The following MDGA1 variants were observed in gnomAD, a reference collection of about 807,000 sequenced individuals.
The protein encoded by MDGA1 is MAM domain-containing glycosylphosphatidylinositol anchor protein 1.
Under a neutral mutation model 101.5 loss-of-function variants are expected in MDGA1, and 54 were observed. That is an observed-to-expected ratio of 0.53 (90% CI 0.43 to 0.67). MDGA1 has a LOEUF of 0.67. Ranked by LOEUF, MDGA1 falls within the 30% of genes least tolerant of loss-of-function variation. The probability of loss-of-function intolerance (pLI) is 0.00; values close to 1 mark genes in which losing one functional copy is unlikely to be tolerated. For missense variants in MDGA1, 1,083 were observed against 1,323.8 expected (o/e 0.82, Z 2.82); for synonymous variants, 533 against 558.3 (o/e 0.95, Z 0.64).
In MDGA1 at chr6:37,650,165, C is replaced by G; in HGVS notation, c.1553G>C (p.Arg518Pro). The G allele has an allele frequency of 6.2e-7, 1 of 1,611,442 alleles. No homozygotes were observed. The highest frequency in any genetic ancestry group is 8.5e-7 in the Non-Finnish European group (1 of 1,178,070). ...GGGGCGCACGTTGAAGCCATTATAG[C>G]GGGCCGTCTGGCAGCGGTAGGTCCC... Reference protein sequence around the residue: ...MSGTYRCQTARYNGFNVRPRE... With the variant: ...MSGTYRCQTAPYNGFNVRPRE... The change falls in exon 8 of 17, where the codon CGC (arginine) becomes CCC (proline). Residue 518 changes from arginine (R) to proline (P), a missense_variant. Physicochemically the swap from Arg to Pro is moderately radical, Grantham distance 103 (BLOSUM62 -2). Around this residue, in one of 3 missense-constraint regions of MDGA1, gnomAD observed 657 missense variants for 771.4 expected, o/e 0.85. Transcript: ENST00000434837.
chr6:37,663,826 T>G (rs921784133), intron 2 of MDGA1, 141 bp downstream of exon 2: 88 of 929,322 alleles, frequency 9.5e-5, no homozygotes, highest in Non-Finnish European at 1.3e-4. Context: ...TCCTGCTATT[T>G]CCCCAGCCCC....
chr6:37,681,233 C>A (rs760712067), intron 1 of MDGA1, among the ~76,000 whole-genome samples: 2 of 152,186 alleles, frequency 1.3e-5, no homozygotes, highest in South Asian at 2.1e-4. Context: ...TTTTCACTCG[C>A]GGACTGCTAA....
intron 14 of MDGA1, among the ~76,000 whole-genome samples, chr6:37,640,682 C>T (rs1036840143): frequency 1.3e-5 from 2 of 152,008 alleles, no homozygotes; most frequent in Non-Finnish European, 1.5e-5. Context: ...CAGGAAGCCC[C>T]TGAGCAGGGG....
chr6:37,673,611 A>T (rs1042950989), intron 1 of MDGA1, among the ~76,000 whole-genome samples: 8 of 151,826 alleles, frequency 5.3e-5, no homozygotes, highest in African/African-American at 1.9e-4. Context: ...TTCTGTGCTC[A>T]CTGCATCGGG....
At chr6:37,651,743 A>G (rs763950334) in intron 7 of MDGA1, among the ~76,000 whole-genome samples, 71 of 152,108 alleles carry the variant, frequency 4.7e-4, no homozygotes, top group Non-Finnish European at 9.4e-4. Flanking sequence ...GTTTGCAATG[A>G]TATATTTATT....
intron 11 of MDGA1, 68 bp downstream of exon 11, chr6:37,646,130 A>C: frequency 6.4e-7 from 1 of 1,552,316 alleles, no homozygotes; most frequent in Non-Finnish European, 8.7e-7. Flanking sequence ...GAACCACATG[A>C]GGATGGTGAA....
At position 37,638,035 on chromosome 6, in the gene MDGA1, C is replaced by G. The variant is rs778606341; in HGVS notation, c.2776+170G>C. 2 of 650,750 alleles carry G rather than the reference C, an allele frequency of 3.1e-6. No individual in the cohort carries two copies. The highest frequency in any genetic ancestry group is 3.6e-5 in the African/African-American group (2 of 55,584). 40.3% of individuals were successfully genotyped at this position (650,750 alleles called of 1,614,324 possible). A position where few individuals can be genotyped will look rare whatever the true frequency, so the allele number is the denominator to read the frequency against. On this transcript the variant is annotated intron_variant, in intron 16 of 16. Transcript: ENST00000434837. This position sits in a 1 kb window ranked among gnomAD's most constrained non-coding sequence, Gnocchi z 4.8. ...TCTCATTGTTTACACAAGTACACAG[C>G]CTGAGTGAGTGTGGGGCACACCTTC... is the stretch of plus-strand genomic sequence containing the variant.
At chr6:37,642,255 C>T (rs1030953810) in intron 14 of MDGA1, among the ~76,000 whole-genome samples, 2 of 148,286 alleles carry the variant, frequency 1.3e-5, no homozygotes, top group East Asian at 2.0e-4. Flanking sequence ...TCTCGGCTCA[C>T]GGCAACCTCC....
intron 1 of MDGA1, among the ~76,000 whole-genome samples, chr6:37,679,567 C>T (rs988126048): frequency 6.6e-6 from 1 of 152,152 alleles, no homozygotes; most frequent in East Asian, 1.9e-4. Context: ...CTCTCTCTCC[C>T]GATATTGTGA....
intron 2 of MDGA1, among the ~76,000 whole-genome samples, chr6:37,663,731 C>T (rs1761677287): frequency 1.3e-5 from 2 of 152,192 alleles, no homozygotes; most frequent in Non-Finnish European, 2.9e-5. Flanking sequence ...AATTGAACAA[C>T]CGGCATTCCA....
rs150031727 is a variant in MDGA1, at chr6:37,655,748, G to A, written c.531C>T (p.Ser177=). 33 of 1,613,282 alleles carry A rather than the reference G, an allele frequency of 2.0e-5. No individual in the cohort carries two copies. The highest frequency in any genetic ancestry group is 1.6e-4 in the Middle Eastern group (1 of 6,062). ...FIWKRGSDTL[S]HSQDNGVDIY... is the part of the protein sequence containing the mutation. The stretch of plus-strand genomic sequence containing the variant: ...TGTCAACCCCATTGTCCTGGCTGTG[G>A]GATAGGGTATCGGAACCCCGCTTCC... The change falls in exon 4 of 17, where the codon TCC becomes TCT. Residue 177 remains serine, a synonymous_variant. Coordinates refer to ENST00000434837, the MANE Select transcript of MDGA1 (RefSeq NM_153487.4). The surrounding 1 kb of genome is among the most constrained non-coding windows in gnomAD (Gnocchi z 5.1).
intron 10 of MDGA1, among the ~76,000 whole-genome samples, chr6:37,646,814 C>A (rs2114011180): frequency 6.6e-6 from 1 of 152,158 alleles, no homozygotes; most frequent in South Asian, 2.1e-4. Context: ...TGGTGGAGAC[C>A]CCCTGGATGA....
chr6:37,655,856 G>A lies in MDGA1; in HGVS notation c.423C>T (p.Ser141=), dbSNP rs771109545. ...EPMLTVHQTV[S]DVRGNFYQEK... ...CCTGGTAGAAGTTGCCTCGCACATC[G>A]CTCACCGTCTGGTGCACCGTCAGCA... Residue 141 remains serine (S), a synonymous_variant, in exon 4 of 17, where the codon AGC becomes AGT. Transcript: ENST00000434837. The surrounding 1 kb of genome is among the most constrained non-coding windows in gnomAD (Gnocchi z 5.1). The A allele has an allele frequency of 3.7e-6, 6 of 1,613,274 alleles. No homozygotes were observed. The highest frequency in any genetic ancestry group is 3.3e-5 in the South Asian group (3 of 90,886).
At chr6:37,650,500 G>A (rs1301639704) in intron 7 of MDGA1, 95 bp from the exon 8 acceptor site, 1 of 1,288,660 alleles carries the variant, frequency 7.8e-7, no homozygotes, top group African/African-American at 1.5e-5. Flanking sequence ...TCCCGCTAGG[G>A]GCAAGCCTCT....
Position 37,678,847 on chromosome 6 carries a change from T to C in MDGA1, c.68-14741A>G, listed in dbSNP as rs369072586. Among the ~76,000 whole-genome samples, 139 of 151,948 alleles carry C rather than the reference T, an allele frequency of 9.1e-4. 4 individuals carry two copies. In the South Asian group the frequency reaches 0.021, roughly 22 times the overall value. On this transcript the variant is annotated intron_variant, in intron 1 of 16. Coordinates refer to ENST00000434837, the MANE Select transcript of MDGA1 (RefSeq NM_153487.4). ...TCCCTTTCCCTGCTATGCATGTTCG[T>C]AACACTCATCAAATCAACACCCTGC...
At chr6:37,658,188 G>C (rs1051702911) in intron 3 of MDGA1, 57 bp downstream of exon 3, 2 of 1,469,458 alleles carry the variant, frequency 1.4e-6, no homozygotes, top group Non-Finnish European at 1.8e-6. Context: ...TCCCTGGGGC[G>C]CCCTCTGGCC....
At chr6:37,673,737 G>C (rs1761919976) in intron 1 of MDGA1, among the ~76,000 whole-genome samples, 1 of 152,082 alleles carries the variant, frequency 6.6e-6, no homozygotes, top group African/African-American at 2.4e-5. Flanking sequence ...CTGAGGCTGG[G>C]GGAGGCTCCA....
Position 37,635,684 on chromosome 6 carries a change from A to C in MDGA1, c.*1684T>G. On this transcript the variant is annotated 3_prime_UTR_variant, in exon 17 of 17. Coordinates refer to ENST00000434837, the MANE Select transcript of MDGA1 (RefSeq NM_153487.4). ...CCTCTTCTCTGCAGCTGTCCCCACC[A>C]AATGCTCCAGAAGGAGCCCTGTGAT... 1 of 398,684 alleles carries C rather than the reference A, an allele frequency of 2.5e-6. No individual in the cohort carries two copies. The highest frequency in any genetic ancestry group is 4.4e-6 in the Non-Finnish European group (1 of 226,098). The allele number at this position is 398,684 out of a possible 1,614,324, so 24.7% of individuals were successfully genotyped here.
At position 37,660,674 on chromosome 6, in the gene MDGA1, A is replaced by T. The variant is rs553923980; in HGVS notation, c.208-2255T>A. Among the ~76,000 whole-genome samples the T allele has an allele frequency of 3.3e-3, 507 of 152,088 alleles. 6 individuals are homozygous for T. Among genetic ancestry groups the T allele is most frequent in the African/African-American group, 0.012 (480 of 41,470 alleles). ...CTTCCATTATCTCTTCCAATATTTA[A>T]TTTTTTTAAATTTTGAAGATCCTTT... On this transcript the variant is annotated intron_variant, in intron 2 of 16. Transcript: ENST00000434837.
Sources: gnomAD v4.1 joint callset for allele counts (sites outside exome capture counted in the v4.1 genomes callset) on GRCh38, gnomAD v4.1.1 for gene constraint, gnomAD v4.1.1 regional missense constraint, Gnocchi (gnomAD v3.1) non-coding constraint, MANE v1.5 for transcripts, NCBI Gene and HGNC (gene_info 2026-07-23, HGNC 2026-07-21) for gene names.